CCDC178: variants seen among roughly 807,000 people sequenced by gnomAD.
The protein encoded by CCDC178 is coiled-coil domain containing 178.
In CCDC178, 126 loss-of-function variants were observed where a neutral mutation model predicts 117.4. That is an observed-to-expected ratio of 1.07 (90% CI 0.93 to 1.24). CCDC178 has a LOEUF of 1.24. Ranked by LOEUF, CCDC178 falls within the 50% of genes most tolerant of loss-of-function variation. The pLI is 0.00. For synonymous variants in CCDC178, 283 were observed against 313.4 expected, an observed-to-expected ratio of 0.90 and a Z score of 1.02; for missense variants, 1,030 against 986.9, an observed-to-expected ratio of 1.04 and a Z score of -0.59.
chr18:33,368,842 ATAATTATTTATTAAAATACCTGTTT>A (rs1157825950), intron 6 of CCDC178, among the ~76,000 whole-genome samples: 2 of 152,134 alleles, frequency 1.3e-5, no homozygotes, highest in East Asian at 3.9e-4. Flanking sequence ...GGTAGCTGTT[ATAATTATTTATTAAAATACCTGTTT>A]TAATTATTTA....
At chr18:33,109,509 T>C (rs2057752742) in intron 20 of CCDC178, among the ~76,000 whole-genome samples, 1 of 151,642 alleles carries the variant, frequency 6.6e-6, no homozygotes, top group Non-Finnish European at 1.5e-5. Context: ...AAAAACTTTA[T>C]TCTTAAGATA....
intron 9 of CCDC178, among the ~76,000 whole-genome samples, chr18:33,338,716 A>G (rs73421870): frequency 6.6e-6 from 1 of 152,162 alleles, no homozygotes; most frequent in African/African-American, 2.4e-5. Context: ...AAGGCATAAG[A>G]ATGATTTGTT....
chr18:33,033,923 CTG>C (rs113741457), intron 21 of CCDC178, among the ~76,000 whole-genome samples: 6 of 151,634 alleles, frequency 4.0e-5, no homozygotes, highest in African/African-American at 1.5e-4. Context: ...AAGACAATAT[CTG>C]TGTGTGTGTA....
At chr18:33,102,457 T>C (rs2057644003) in intron 20 of CCDC178, among the ~76,000 whole-genome samples, 1 of 151,548 alleles carries the variant, frequency 6.6e-6, no homozygotes, top group South Asian at 2.1e-4. Flanking sequence ...CCTCAGTCTT[T>C]TCCTTGGAGA....
At chr18:33,398,813 T>A in intron 3 of CCDC178, among the ~76,000 whole-genome samples, 1 of 152,224 alleles carries the variant, frequency 6.6e-6, no homozygotes, top group East Asian at 1.9e-4. Flanking sequence ...ATATAAAAGT[T>A]ATATTTTATA....
intron 10 of CCDC178, among the ~76,000 whole-genome samples, chr18:33,327,260 T>C (rs1447027344): frequency 6.6e-6 from 1 of 152,204 alleles, no homozygotes; most frequent in Non-Finnish European, 1.5e-5. Flanking sequence ...TATATTCATG[T>C]TGTAGCATGT....
intron 6 of CCDC178, among the ~76,000 whole-genome samples, chr18:33,362,887 C>A (rs1219592974): frequency 6.6e-6 from 1 of 151,908 alleles, no homozygotes; most frequent in Non-Finnish European, 1.5e-5. Context: ...GAGTTGCTCA[C>A]TTAAAAATGG....
chr18:33,404,370 A>G (rs2063752867), intron 3 of CCDC178, among the ~76,000 whole-genome samples: 1 of 151,996 alleles, frequency 6.6e-6, no homozygotes. Flanking sequence ...AAGACAGTCT[A>G]CTAATTAAAA....
At chr18:33,066,327 C>T (rs2043391796) in intron 21 of CCDC178, among the ~76,000 whole-genome samples, 1 of 151,854 alleles carries the variant, frequency 6.6e-6, no homozygotes, top group Admixed American at 6.6e-5. Flanking sequence ...ATAAAACTCA[C>T]TACCACAGTA....
intron 14 of CCDC178, 149 bp downstream of exon 14, chr18:33,266,766 TA>T: frequency 1.2e-6 from 1 of 804,258 alleles, no homozygotes; most frequent in Non-Finnish European, 1.8e-6. Context: ...CCAGAGTGAC[TA>T]AAGGCAACAT....
chr18:33,420,539 G>A (rs1296526803), intron 2 of CCDC178, among the ~76,000 whole-genome samples: 1 of 152,102 alleles, frequency 6.6e-6, no homozygotes. Flanking sequence ...ATTTTTAGTA[G>A]AGATGGGATT....
At chr18:33,002,483 A>G (rs1598775220) in intron 21 of CCDC178, among the ~76,000 whole-genome samples, 1 of 152,180 alleles carries the variant, frequency 6.6e-6, no homozygotes, top group East Asian at 1.9e-4. Context: ...TTTTTTTAAA[A>G]CAAATAATAA....
chr18:33,179,081 AT>A (rs1568036887), intron 20 of CCDC178, among the ~76,000 whole-genome samples: 1,389 of 61,966 alleles, frequency 0.022, 90 homozygotes, highest in Non-Finnish European at 0.03. Context: ...AAAAAAAAAT[AT>A]ATATATATAT....
chr18:33,078,421 G>A (rs1240768906), intron 21 of CCDC178, among the ~76,000 whole-genome samples: 2 of 152,162 alleles, frequency 1.3e-5, no homozygotes, highest in Non-Finnish European at 2.9e-5. Context: ...AGAATTGGAA[G>A]TCCTGGCCAG....
intron 20 of CCDC178, among the ~76,000 whole-genome samples, chr18:33,093,628 G>T (rs1057474893): frequency 6.6e-6 from 1 of 150,994 alleles, no homozygotes; most frequent in Non-Finnish European, 1.5e-5. Flanking sequence ...CAAATTGGGG[G>T]CTATCTATAA....
intron 20 of CCDC178, among the ~76,000 whole-genome samples, chr18:33,205,384 G>T (rs953675732): frequency 6.6e-6 from 1 of 151,958 alleles, no homozygotes; most frequent in Admixed American, 6.6e-5. Context: ...CAGAAAAGCA[G>T]GAGTTAATAG....
chr18:33,314,950 C>T (rs1441370732), intron 11 of CCDC178, among the ~76,000 whole-genome samples: 2 of 152,156 alleles, frequency 1.3e-5, no homozygotes, highest in Non-Finnish European at 2.9e-5. Flanking sequence ...TACATGACAT[C>T]CTGGAGAATG....
At chr18:32,969,985 CAT>C (rs754999170) in intron 22 of CCDC178, among the ~76,000 whole-genome samples, 4 of 152,014 alleles carry the variant, frequency 2.6e-5, no homozygotes, top group Non-Finnish European at 5.9e-5. Flanking sequence ...GTTAGGACCT[CAT>C]ATAAAATATG....
At chr18:33,410,944 G>A (rs2063842637) in intron 3 of CCDC178, among the ~76,000 whole-genome samples, 1 of 152,120 alleles carries the variant, frequency 6.6e-6, no homozygotes, top group African/African-American at 2.4e-5. Context: ...ACAAGCAAGT[G>A]CAGAGCTGAA....
Sources: allele counts gnomAD v4.1 joint callset (sites outside exome capture counted in the v4.1 genomes callset), GRCh38; gene constraint gnomAD v4.1.1; transcripts MANE v1.5; gene names NCBI Gene and HGNC (gene_info 2026-07-23, HGNC 2026-07-21).